Variants in SCARF1 observed in about 807,000 individuals in gnomAD.
SCARF1 encodes acetyl LDL receptor.
In SCARF1, 49 loss-of-function variants were observed where a neutral mutation model predicts 76.3. That is an observed-to-expected ratio of 0.64 (90% CI 0.51 to 0.81). The LOEUF is 0.81. Ranked by LOEUF, SCARF1 falls within the 40% of genes least tolerant of loss-of-function variation. SCARF1 has a pLI of 0.00. For synonymous variants in SCARF1, 495 were observed against 474.6 expected, an observed-to-expected ratio of 1.04 and a Z score of -0.56; for missense variants, 1,098 against 1,143.9, an observed-to-expected ratio of 0.96 and a Z score of 0.58.
In SCARF1 at chr17:1,639,913, T is replaced by C. The variant is rs769956336; in HGVS notation, c.1138A>G (p.Ser380Gly). 4.3e-6 allele frequency: 7 copies of C among 1,613,076 alleles called. No homozygotes were observed. Among genetic ancestry groups the C allele is most frequent in the African/African-American group, 1.3e-5 (1 of 74,896 alleles). ...CVCSAGYWGP[S>G]CNASCPAGFH... ...CGCCCCCGGGATCCCCATCCTTACC[T>C]GGGCCCCCAGTAGCCGGCACTGCAG... is the stretch of plus-strand genomic sequence containing the variant. Residue 380 changes from serine (S) to glycine (G), a missense_variant and splice_region_variant, in exon 6 of 11, where the codon AGC (serine) becomes GGC (glycine). Transcript: ENST00000263071.
At position 1,644,011 on chromosome 17, in the gene SCARF1, G is replaced by T. The variant is rs1347323421; in HGVS notation, c.266-44C>A. On this transcript the variant is annotated intron_variant, in intron 3 of 10. Coordinates refer to ENST00000263071, the MANE Select transcript of SCARF1 (RefSeq NM_003693.4). This position sits in a 1 kb window ranked among gnomAD's most constrained non-coding sequence, Gnocchi z 4.8. ...GAGGGGTCAGCGGGCTCAGGGCCGC[G>T]CGCAGACCCTTACCCTGCGTCCCCT... 10 of 1,276,344 alleles carry T rather than the reference G, an allele frequency of 7.8e-6. No homozygotes were observed. Among genetic ancestry groups the T allele is most frequent in the Non-Finnish European group, 9.9e-6 (10 of 1,007,216 alleles). 79.1% of individuals were successfully genotyped at this position (1,276,344 alleles called of 1,614,324 possible).
rs540166694 is a variant in SCARF1, at chr17:1,642,566, T to C, written c.791+876A>G. 7.2e-5 allele frequency among the ~76,000 whole-genome samples: 11 copies of C among 152,280 alleles called. No individual in the cohort carries two copies. The South Asian group carries it at 2.3e-3, about 32-fold the overall frequency. On this transcript the variant is annotated intron_variant, in intron 4 of 10. Transcript: ENST00000263071. ...TCCATGGTGTATATGTGCCACATTTTCTTAACCCAGTCTATCATTGTTGGA... is the reference window on the plus strand; with the variant it reads ...TCCATGGTGTATATGTGCCACATTTCCTTAACCCAGTCTATCATTGTTGGA...
chr17:1,645,385 G>GGGGGT lies in SCARF1; in HGVS notation c.102-147_102-146insACCCC. On this transcript the variant is annotated intron_variant, in intron 1 of 10. Coordinates refer to ENST00000263071, the MANE Select transcript of SCARF1 (RefSeq NM_003693.4). The surrounding 1 kb of genome is among the most constrained non-coding windows in gnomAD (Gnocchi z 6.3). ...TGGATCTTTACAGCTAGGGTCCCCA[G>GGGGGT]CCCCTCCCCTCTCCTTCCCTGACCC... 1 of 1,385,984 alleles carries GGGGGT rather than the reference G, an allele frequency of 7.2e-7. No individual in the cohort carries two copies. Among genetic ancestry groups the GGGGGT allele is most frequent in the Non-Finnish European group, 9.8e-7 (1 of 1,020,496 alleles). 85.9% of individuals were successfully genotyped at this position (1,385,984 alleles called of 1,614,324 possible).
In SCARF1 at chr17:1,643,969, T is replaced by C; in HGVS notation, c.266-2A>G. ...GGCCCCAGTACTGGCCCGGGCAGCCTGCGGGGGTGGGGACGGGAGGGGTCA... is the reference window on the plus strand; with the variant it reads ...GGCCCCAGTACTGGCCCGGGCAGCCCGCGGGGGTGGGGACGGGAGGGGTCA... On this transcript the variant is annotated splice_acceptor_variant, in intron 3 of 10. Coordinates refer to ENST00000263071, the MANE Select transcript of SCARF1 (RefSeq NM_003693.4). LOFTEE classifies it high-confidence loss of function. 1.5e-6 allele frequency: 2 copies of C among 1,320,470 alleles called. No homozygotes were observed. Among genetic ancestry groups the C allele is most frequent in the Non-Finnish European group, 1.9e-6 (2 of 1,037,206 alleles). The allele number at this position is 1,320,470 out of a possible 1,614,324, so 81.8% of individuals were successfully genotyped here. A position where few individuals can be genotyped will look rare whatever the true frequency, so the allele number is the denominator to read the frequency against.
In SCARF1 at chr17:1,639,649, G is replaced by T; in HGVS notation, c.1233C>A (p.Ser411=). 6.4e-7 allele frequency: 1 copy of T among 1,567,166 alleles called. No individual in the cohort carries two copies. Residue 411 remains serine, a synonymous_variant, in exon 7 of 11, where the codon TCC becomes TCA. Coordinates refer to ENST00000263071, the MANE Select transcript of SCARF1 (RefSeq NM_003693.4). ...CTTCTTCCACCTTACCTGGCTGGCAGGACCCAGAGACAGGGTGGCAGAGTC... is the reference window on the plus strand; with the variant it reads ...CTTCTTCCACCTTACCTGGCTGGCATGACCCAGAGACAGGGTGGCAGAGTC... ...PEGLCHPVSG[S]CQPGSGSRDT...
chr17:1,637,094 A>C (rs1191793075), intron 8 of SCARF1, 32 bp from the exon 9 acceptor site: 1 of 1,606,228 alleles, frequency 6.2e-7, no homozygotes, highest in Admixed American at 1.7e-5. Flanking sequence ...ACTGGTCAGT[A>C]CATGAGACCC....
intron 4 of SCARF1, among the ~76,000 whole-genome samples, chr17:1,642,403 C>T (rs1910132657): frequency 7.2e-6 from 1 of 139,644 alleles, no homozygotes; most frequent in Admixed American, 8.1e-5. Flanking sequence ...TTCCATTGTT[C>T]AACTCCCACC....
Position 1,634,860 on chromosome 17 carries a change from A to G in SCARF1, c.2391T>C (p.Cys797=), listed in dbSNP as rs778191507. 6.2e-7 allele frequency: 1 copy of G among 1,613,552 alleles called. No homozygotes were observed. The highest frequency in any genetic ancestry group is 1.1e-5 in the South Asian group (1 of 91,074). Residue 797 remains cysteine (C), a synonymous_variant, in exon 11 of 11, where the codon TGT becomes TGC. Transcript: ENST00000263071. Reference sequence around the variant, plus strand: ...TCTGGGGATCCTGTTCTGGGGAGCCACAGCCAGAGACTGGCTCCTGGGCTC... The same window carrying G: ...TCTGGGGATCCTGTTCTGGGGAGCCGCAGCCAGAGACTGGCTCCTGGGCTC... ...SRRAQEPVSG[C]GSPEQDPQKQ...
intron 8 of SCARF1, chr17:1,638,560 C>G: frequency 2.9e-6 from 1 of 348,488 alleles, no homozygotes; most frequent in Non-Finnish European, 5.1e-6. Flanking sequence ...TCTCCAGTGT[C>G]TCCAGGCCAC....
In SCARF1 at chr17:1,637,029, C is replaced by T; in HGVS notation, c.1398G>A (p.Met466Ile). The change falls in exon 9 of 11, where the codon ATG becomes ATA. Residue 466 changes from methionine (M) to isoleucine (I), a missense_variant. Met to Ile is a conservative substitution (Grantham distance 10). Coordinates refer to ENST00000263071, the MANE Select transcript of SCARF1 (RefSeq NM_003693.4). Reference protein sequence around the residue: ...PARDGATVSRMKLQVWGTLTS... With the variant: ...PARDGATVSRIKLQVWGTLTS... ...TCAGTGTCCCCCAGACCTGCAGCTTCATCCTGGACACGGTAGCTCCATCTC... is the reference window on the plus strand; with the variant it reads ...TCAGTGTCCCCCAGACCTGCAGCTTTATCCTGGACACGGTAGCTCCATCTC... 1 of 1,614,026 alleles carries T rather than the reference C, an allele frequency of 6.2e-7. No individual in the cohort carries two copies. The highest frequency in any genetic ancestry group is 1.3e-5 in the African/African-American group (1 of 75,016).
Sources: allele counts gnomAD v4.1 joint callset (sites outside exome capture counted in the v4.1 genomes callset), GRCh38; gene constraint gnomAD v4.1.1; non-coding constraint Gnocchi (gnomAD v3.1); transcripts MANE v1.5; gene names NCBI Gene and HGNC (gene_info 2026-07-23, HGNC 2026-07-21).